Variants in SDC2 observed in about 807,000 individuals in gnomAD.
SDC2 encodes syndecan-2.
A neutral mutation model predicts 22.2 loss-of-function variants in SDC2; 13 were observed. The observed-to-expected ratio is 0.59, with a 90% CI of 0.38 to 0.93. SDC2 has a LOEUF of 0.93. Among genes scored for constraint, SDC2 ranks in the 40% least tolerant of loss-of-function variants. The pLI, the probability that SDC2 is intolerant of heterozygous loss-of-function variation, is 0.00. For synonymous variants in SDC2, 94 were observed against 92.8 expected (o/e 1.01, Z -0.07); for missense variants, 235 against 246.8 (o/e 0.95, Z 0.32).
chr8:96,502,985 C>A (rs1476264450), intron 1 of SDC2, among the ~76,000 whole-genome samples: 4 of 152,144 alleles, frequency 2.6e-5, no homozygotes, highest in African/African-American at 9.7e-5. Flanking sequence ...CTAAGGCCTA[C>A]TTTTTCATAA....
At chr8:96,526,065 T>C (rs926786538) in intron 1 of SDC2, among the ~76,000 whole-genome samples, 3 of 151,624 alleles carry the variant, frequency 2.0e-5, no homozygotes, top group Admixed American at 6.6e-5. Context: ...ATGGTAGAGT[T>C]AGTCATGGCT....
chr8:96,555,940 A>G (rs942668155), intron 1 of SDC2, among the ~76,000 whole-genome samples: 4 of 152,144 alleles, frequency 2.6e-5, no homozygotes, highest in African/African-American at 4.8e-5. Flanking sequence ...AGCCTGAGCT[A>G]TAGTACCTTG....
rs1814818255 is a variant in SDC2, at chr8:96,593,420, A to G, written c.61-60A>G. ...CTGCAGTATGTACCTGAACAATCAG[A>G]TATACAAGTGTGTTTCTTAATCTCT... On this transcript the variant is annotated intron_variant, in intron 1 of 4. Coordinates refer to ENST00000302190, the MANE Select transcript of SDC2 (RefSeq NM_002998.4). 1.4e-5 allele frequency: 16 copies of G among 1,107,234 alleles called. No homozygotes were observed. In the South Asian group the frequency reaches 1.7e-4, roughly 11 times the overall value. The allele number at this position is 1,107,234 out of a possible 1,614,324, so 68.6% of individuals were successfully genotyped here. A position where few individuals can be genotyped will look rare whatever the true frequency, so the allele number is the denominator to read the frequency against.
intron 1 of SDC2, among the ~76,000 whole-genome samples, chr8:96,558,037 C>G (rs1814148208): frequency 6.6e-6 from 1 of 151,848 alleles, no homozygotes. Context: ...AATTGGTACA[C>G]ATGAGTAGTT....
intron 1 of SDC2, among the ~76,000 whole-genome samples, chr8:96,504,245 C>T (rs1350539824): frequency 6.6e-6 from 1 of 152,202 alleles, no homozygotes; most frequent in Non-Finnish European, 1.5e-5. Flanking sequence ...CAAAAGGCCT[C>T]TGTTTACAAA....
intron 2 of SDC2, among the ~76,000 whole-genome samples, chr8:96,596,454 G>A (rs1814878134): frequency 6.6e-6 from 1 of 152,178 alleles, no homozygotes; most frequent in Non-Finnish European, 1.5e-5. Context: ...CTCAAGTATG[G>A]GCATAAGCAA....
rs189387957 is a variant in SDC2 at position 96,571,686 on chromosome 8, A to G, written c.61-21794A>G. Among the ~76,000 whole-genome samples, 105 of 152,296 alleles carry G rather than the reference A, an allele frequency of 6.9e-4. No individual in the cohort carries two copies. The East Asian group carries it at 0.011, about 16-fold the overall frequency. ...ACCCCCTCTTGCTGGCTTACATACC[A>G]CTTTGCCTGACAACAAATTTGTGTT... On this transcript the variant is annotated intron_variant, in intron 1 of 4. Transcript: ENST00000302190.
intron 1 of SDC2, among the ~76,000 whole-genome samples, chr8:96,567,868 A>C (rs1306792061): frequency 6.6e-6 from 1 of 152,196 alleles, no homozygotes; most frequent in Non-Finnish European, 1.5e-5. Context: ...ACTCTTAGAC[A>C]ATGTGCAGGC....
At chr8:96,533,593 A>G (rs1217195294) in intron 1 of SDC2, among the ~76,000 whole-genome samples, 1 of 151,510 alleles carries the variant, frequency 6.6e-6, no homozygotes, top group African/African-American at 2.4e-5. Context: ...TGGTGCATTC[A>G]CAGACTCTGA....
chr8:96,569,878 A>C (rs1356629517), intron 1 of SDC2, among the ~76,000 whole-genome samples: 1 of 152,050 alleles, frequency 6.6e-6, no homozygotes, highest in African/African-American at 2.4e-5. Flanking sequence ...TAGTGCTATA[A>C]GGGGCCCGGA....
chr8:96,509,025 T>G (rs1323727250), intron 1 of SDC2, among the ~76,000 whole-genome samples: 2 of 142,346 alleles, frequency 1.4e-5, no homozygotes, highest in African/African-American at 5.0e-5. Flanking sequence ...TTACCAACTT[T>G]TAGCATATTG....
chr8:96,547,672 C>T (rs778282360), intron 1 of SDC2, among the ~76,000 whole-genome samples: 2 of 151,284 alleles, frequency 1.3e-5, no homozygotes, highest in Non-Finnish European at 2.9e-5. Context: ...AAAGCATGAG[C>T]GTCTAGGTTT....
intron 1 of SDC2, among the ~76,000 whole-genome samples, chr8:96,558,410 C>T (rs1469171172): frequency 1.3e-5 from 2 of 148,510 alleles, no homozygotes; most frequent in African/African-American, 5.0e-5. Flanking sequence ...TCTTCAGTTA[C>T]AGCCTTGCCA....
chr8:96,607,260 G>A (rs1815096938), intron 3 of SDC2, among the ~76,000 whole-genome samples: 1 of 152,110 alleles, frequency 6.6e-6, no homozygotes, highest in African/African-American at 2.4e-5. Flanking sequence ...GTTGGGTGAG[G>A]ACTGGAAGCT....
chr8:96,500,518 C>T (rs1031897676), intron 1 of SDC2, among the ~76,000 whole-genome samples: 3 of 151,580 alleles, frequency 2.0e-5, no homozygotes, highest in East Asian at 1.9e-4. Context: ...AAAAATTAGC[C>T]GGGCGTGGTG....
At chr8:96,602,064 G>T (rs1356257156) in intron 2 of SDC2, among the ~76,000 whole-genome samples, 1 of 152,104 alleles carries the variant, frequency 6.6e-6, no homozygotes, top group African/African-American at 2.4e-5. Flanking sequence ...GGACTGTTGT[G>T]TTCTTAAAAT....
chr8:96,521,230 G>A (rs62514932), intron 1 of SDC2, among the ~76,000 whole-genome samples: 18,892 of 152,218 alleles, frequency 0.12, 1,598 homozygotes, highest in Middle Eastern at 0.28. Flanking sequence ...TGAATTATGT[G>A]TTAATCACTT....
chr8:96,594,223 C>G (rs1814833734), intron 2 of SDC2, among the ~76,000 whole-genome samples: 1 of 152,148 alleles, frequency 6.6e-6, no homozygotes, highest in Non-Finnish European at 1.5e-5. Context: ...AACAGTCATT[C>G]ATTTAACTTA....
In SDC2 at chr8:96,496,635, C is replaced by G. The variant is rs187357424; in HGVS notation, c.60+2304C>G. On this transcript the variant is annotated intron_variant, in intron 1 of 4. Transcript: ENST00000302190. ...CAATTACAGAATATTATTTCCAGGA[C>G]TTTGCATTTTAATTTGAAAACTGCA... 2.4e-3 allele frequency among the ~76,000 whole-genome samples: 366 copies of G among 152,300 alleles called. 2 individuals carry two copies. Among genetic ancestry groups the G allele is most frequent in the African/African-American group, 8.5e-3 (353 of 41,570 alleles).
Sources: gnomAD v4.1 joint callset for allele counts (sites outside exome capture counted in the v4.1 genomes callset) on GRCh38, gnomAD v4.1.1 for gene constraint, MANE v1.5 for transcripts, NCBI Gene and HGNC (gene_info 2026-07-23, HGNC 2026-07-21) for gene names.